The following ACTR3C variants were observed in gnomAD, a reference collection of about 807,000 sequenced individuals.
ACTR3C encodes actin-related protein 3C.
ACTR3C carries 18 observed loss-of-function variants against 26.3 expected under a neutral mutation model. The observed-to-expected ratio is 0.68, with a 90% CI of 0.47 to 1.01. ACTR3C has a LOEUF of 1.01. Ranked by LOEUF, ACTR3C falls within the 50% of genes least tolerant of loss-of-function variation. The pLI, the probability that ACTR3C is intolerant of heterozygous loss-of-function variation, is 0.00. For synonymous variants in ACTR3C, 55 were observed against 94.5 expected, an observed-to-expected ratio of 0.58 and a Z score of 2.42; for missense variants, 184 against 250.7, an observed-to-expected ratio of 0.73 and a Z score of 1.80.
intron 1 of ACTR3C, among the ~76,000 whole-genome samples, chr7:150,312,461 A>C (rs2129615711): frequency 6.6e-6 from 1 of 152,368 alleles, no homozygotes; most frequent in South Asian, 2.1e-4. Flanking sequence ...GACAATGGGG[A>C]CAAAAAGCTT....
intron 5 of ACTR3C, among the ~76,000 whole-genome samples, 198 bp from the exon 6 acceptor site, chr7:150,285,043 AG>A (rs766535980): frequency 3.9e-5 from 6 of 152,318 alleles, no homozygotes; most frequent in Middle Eastern, 3.4e-3. Flanking sequence ...TCTCCTCATG[AG>A]GTAAAATGTA....
At chr7:150,033,381 A>C in the ACTR3C span, among the ~76,000 whole-genome samples, 1 of 152,176 alleles carries the variant, frequency 6.6e-6, no homozygotes, top group Admixed American at 6.5e-5. Context: ...CCCGAGACTC[A>C]TGAGTATCAG....
At chr7:150,290,291 G>C (rs377227619) in intron 3 of ACTR3C, among the ~76,000 whole-genome samples, 2 of 152,218 alleles carry the variant, frequency 1.3e-5, no homozygotes, top group Non-Finnish European at 2.9e-5. Context: ...GACCTGGGCC[G>C]ATCAATGGCA....
At chr7:150,064,625 C>G in the ACTR3C span, among the ~76,000 whole-genome samples, 957 of 146,310 alleles carry the variant, frequency 6.5e-3, 12 homozygotes, top group African/African-American at 0.023. Context: ...AGAATAAACA[C>G]TAATCATATT....
the ACTR3C span, among the ~76,000 whole-genome samples, chr7:149,965,637 C>T: frequency 7.2e-5 from 11 of 152,210 alleles, no homozygotes; most frequent in African/African-American, 2.7e-4. Context: ...TGTCATCAGT[C>T]ACAACTGACG....
At chr7:149,937,284 T>C in the ACTR3C span, among the ~76,000 whole-genome samples, 1 of 143,924 alleles carries the variant, frequency 6.9e-6, no homozygotes, top group African/African-American at 2.6e-5. Context: ...AGTTCATGTC[T>C]GGGAGGCAGA....
the ACTR3C span, among the ~76,000 whole-genome samples, chr7:150,082,599 T>G: frequency 6.6e-6 from 1 of 152,086 alleles, no homozygotes; most frequent in Admixed American, 6.6e-5. Flanking sequence ...TAACCCTGAG[T>G]GCCCAGCTGG....
At chr7:150,202,069 T>C in the ACTR3C span, among the ~76,000 whole-genome samples, 3 of 152,334 alleles carry the variant, frequency 2.0e-5, 1 homozygote, top group South Asian at 6.2e-4. Context: ...TTTCCTTGTT[T>C]GTAATAACAC....
At chr7:150,188,552 G>T in the ACTR3C span, among the ~76,000 whole-genome samples, 2 of 151,298 alleles carry the variant, frequency 1.3e-5, no homozygotes, top group Admixed American at 1.3e-4. Flanking sequence ...CAAAGTAGCT[G>T]CTCCGTTTCA....
the ACTR3C span, among the ~76,000 whole-genome samples, chr7:150,022,126 A>G: frequency 2.6e-5 from 4 of 151,946 alleles, no homozygotes; most frequent in Admixed American, 2.6e-4. Flanking sequence ...CCATGCCAAC[A>G]TCTATTATTT....
At chr7:150,179,418 GA>G in the ACTR3C span, among the ~76,000 whole-genome samples, 70 of 118,046 alleles carry the variant, frequency 5.9e-4, 1 homozygote, top group Middle Eastern at 4.2e-3. Context: ...GACACAACAG[GA>G]AAAAAAAAAA....
At chr7:150,180,198 G>A in the ACTR3C span, among the ~76,000 whole-genome samples, 1 of 149,924 alleles carries the variant, frequency 6.7e-6, no homozygotes, top group Non-Finnish European at 1.5e-5. Context: ...CCAGCTACTC[G>A]GGAGGCTGAG....
chr7:149,968,536 A>G, the ACTR3C span, among the ~76,000 whole-genome samples: 3 of 152,218 alleles, frequency 2.0e-5, no homozygotes, highest in African/African-American at 7.2e-5. Context: ...CCGTCTCAAA[A>G]AAAGAAAAAT....
At chr7:150,295,012 G>T (rs2531043) in intron 2 of ACTR3C, among the ~76,000 whole-genome samples, 3,003 of 151,846 alleles carry the variant, frequency 0.02, 105 homozygotes, top group African/African-American at 0.069. Context: ...AAAAATGCAT[G>T]AGACTTTAAT....
chr7:150,017,363 C>G, the ACTR3C span, among the ~76,000 whole-genome samples: 6 of 151,704 alleles, frequency 4.0e-5, no homozygotes, highest in Non-Finnish European at 8.8e-5. Flanking sequence ...GGAGCCCCTT[C>G]TGTTTCTCCA....
chr7:150,198,645 C>T, the ACTR3C span, among the ~76,000 whole-genome samples: 479 of 148,446 alleles, frequency 3.2e-3, 15 homozygotes, highest in African/African-American at 0.012. Context: ...ATCCTCCGCC[C>T]GGCAGCTGCC....
At chr7:150,111,840 C>A in the ACTR3C span, among the ~76,000 whole-genome samples, 1 of 147,750 alleles carries the variant, frequency 6.8e-6, no homozygotes, top group East Asian at 2.0e-4. Flanking sequence ...CCTTTTTCTG[C>A]GCGGAGAAAT....
At chr7:150,235,334 A>C in the ACTR3C span, among the ~76,000 whole-genome samples, 1 of 152,202 alleles carries the variant, frequency 6.6e-6, no homozygotes, top group East Asian at 1.9e-4. Context: ...GGGGTCCTCA[A>C]CATTTCTCTT....
chr7:150,172,495 A>G, the ACTR3C span, among the ~76,000 whole-genome samples: 29 of 150,742 alleles, frequency 1.9e-4, no homozygotes, highest in African/African-American at 6.5e-4. Flanking sequence ...CTCCTACAAC[A>G]TATGGAAATT....
Sources: gnomAD v4.1 joint callset for allele counts (sites outside exome capture counted in the v4.1 genomes callset) on GRCh38, gnomAD v4.1.1 for gene constraint, MANE v1.5 for transcripts, NCBI Gene and HGNC (gene_info 2026-07-23, HGNC 2026-07-21) for gene names.